Variants in TBC1D9 observed in about 807,000 individuals in gnomAD.
The protein encoded by TBC1D9 is TBC1 domain family member 9A.
In TBC1D9, 63 loss-of-function variants were observed where a neutral mutation model predicts 132.0. The ratio of observed to expected loss-of-function variants is 0.48; its 90% CI spans 0.39 to 0.59. TBC1D9 has a LOEUF of 0.59. TBC1D9 is among the 20% of genes least tolerant of loss of function. The pLI, the probability that TBC1D9 is intolerant of heterozygous loss-of-function variation, is 0.00. For missense variants in TBC1D9, 1,261 were observed against 1,592.7 expected (o/e 0.79, Z 3.54); for synonymous variants, 610 against 609.9 (o/e 1.00, Z 0.00).
At chr4:140,666,682 G>T (rs1737450737) in intron 9 of TBC1D9, among the ~76,000 whole-genome samples, 1 of 151,088 alleles carries the variant, frequency 6.6e-6, no homozygotes, top group Non-Finnish European at 1.5e-5. Flanking sequence ...GTGTTTTGGG[G>T]GGATGAAAAA....
intron 13 of TBC1D9, chr4:140,643,783 G>A: frequency 1.1e-6 from 1 of 894,838 alleles, no homozygotes. Flanking sequence ...CACTCAGAGG[G>A]CTCGGTGCAG....
chr4:140,717,994 T>C (rs1738364776), intron 1 of TBC1D9, among the ~76,000 whole-genome samples: 1 of 152,140 alleles, frequency 6.6e-6, no homozygotes, highest in African/African-American at 2.4e-5. Flanking sequence ...GATATGAAAA[T>C]AGGTAGAAAG....
chr4:140,734,638 T>G (rs546363056), intron 1 of TBC1D9, among the ~76,000 whole-genome samples: 102 of 152,062 alleles, frequency 6.7e-4, no homozygotes, highest in African/African-American at 2.4e-3. Flanking sequence ...ACAAAAAAAT[T>G]TTTTTTAGTT....
intron 1 of TBC1D9, among the ~76,000 whole-genome samples, chr4:140,722,083 G>A (rs1473247683): frequency 6.6e-6 from 1 of 152,076 alleles, no homozygotes; most frequent in Non-Finnish European, 1.5e-5. Context: ...TTTAATCAAT[G>A]GAAGTAGTTA....
At chr4:140,655,804 C>T (rs540288824) in intron 13 of TBC1D9, among the ~76,000 whole-genome samples, 119 of 152,302 alleles carry the variant, frequency 7.8e-4, no homozygotes, top group African/African-American at 2.7e-3. Flanking sequence ...GGACTCTGGT[C>T]TACTCTGGGC....
At chr4:140,752,143 A>G (rs62348502) in intron 1 of TBC1D9, among the ~76,000 whole-genome samples, 1,598 of 152,318 alleles carry the variant, frequency 0.01, 10 homozygotes, top group Admixed American at 0.019. Context: ...ATTATCCATA[A>G]TGCCCCCAAA....
At chr4:140,721,681 A>T (rs1738425118) in intron 1 of TBC1D9, among the ~76,000 whole-genome samples, 1 of 152,218 alleles carries the variant, frequency 6.6e-6, no homozygotes, top group South Asian at 2.1e-4. Flanking sequence ...TTTTTAGCTG[A>T]TAATCTATAA....
At chr4:140,701,910 A>G (rs1738076506) in intron 1 of TBC1D9, among the ~76,000 whole-genome samples, 1 of 152,216 alleles carries the variant, frequency 6.6e-6, no homozygotes, top group African/African-American at 2.4e-5. Flanking sequence ...AATTCAGCTC[A>G]GCAAACACTA....
rs745959619 is a variant in TBC1D9 at position 140,658,808 on chromosome 4, T to TA, written c.1921+779dup. ...CCTGGGCGACAGAGCGAGATGGTCT[T>TA]AAAAAAAAAAAAAAATCACACTTCT... On this transcript the variant is annotated intron_variant, in intron 11 of 20. Coordinates refer to ENST00000442267, the MANE Select transcript of TBC1D9 (RefSeq NM_015130.3). 9.3e-3 allele frequency among the ~76,000 whole-genome samples: 1,312 copies of TA among 140,482 alleles called. 9 individuals carry two copies. Among genetic ancestry groups the TA allele is most frequent in the African/African-American group, 0.018 (697 of 38,374 alleles). 92.2% of individuals were successfully genotyped at this position (140,482 alleles called of 152,430 possible).
At chr4:140,627,569 A>G (rs1214122193) in intron 17 of TBC1D9, 42 bp from the exon 18 acceptor site, 1 of 1,226,422 alleles carries the variant, frequency 8.2e-7, no homozygotes, top group African/African-American at 1.5e-5. Context: ...TGGTAGGGCC[A>G]TGATCCAGTG....
chr4:140,676,898 C>T lies in TBC1D9; in HGVS notation c.1055G>A (p.Arg352His), dbSNP rs752944904. Reference protein sequence around the residue: ...ENLCSLIIPLREVTIVEKADS... With the variant: ...ENLCSLIIPLHEVTIVEKADS... ...CAATTTTTATCAGATACTTACCTCA[C>T]GGAGCGGGATAATGAGGCTACATAA... Residue 352 changes from arginine (R) to histidine (H), a missense_variant, in exon 6 of 21, where the codon CGT (arginine) becomes CAT (histidine). Physicochemically the swap from Arg to His is conservative, Grantham distance 29. This residue lies in a region of TBC1D9 where 550 missense variants were observed against 699.0 expected (regional missense o/e 0.79). Transcript: ENST00000442267. 6.2e-6 allele frequency: 10 copies of T among 1,613,788 alleles called. No individual in the cohort carries two copies. The highest frequency in any genetic ancestry group is 5.9e-6 in the Non-Finnish European group (7 of 1,179,782).
At chr4:140,726,905 T>A (rs1346947355) in intron 1 of TBC1D9, among the ~76,000 whole-genome samples, 4 of 152,214 alleles carry the variant, frequency 2.6e-5, no homozygotes, top group Non-Finnish European at 4.4e-5. Context: ...ATAGTCAAGC[T>A]GCCTCTGTCA....
chr4:140,723,255 C>T (rs914492520), intron 1 of TBC1D9, among the ~76,000 whole-genome samples: 1 of 152,288 alleles, frequency 6.6e-6, no homozygotes, highest in East Asian at 1.9e-4. Context: ...CTTCAACCTG[C>T]GTTACCAAAC....
chr4:140,643,689 AC>A, intron 13 of TBC1D9: 5 of 1,178,030 alleles, frequency 4.2e-6, no homozygotes, highest in Non-Finnish European at 5.8e-6. Flanking sequence ...TGTCAGCTGC[AC>A]CCCCAGGTCC....
In TBC1D9 at chr4:140,622,157, C is replaced by T; in HGVS notation, c.*38G>A. 1.3e-6 allele frequency: 2 copies of T among 1,516,892 alleles called. No homozygotes were observed. Among genetic ancestry groups the T allele is most frequent in the Non-Finnish European group, 1.8e-6 (2 of 1,129,524 alleles). The allele number at this position is 1,516,892 out of a possible 1,614,324, so 94.0% of individuals were successfully genotyped here. A position where few individuals can be genotyped will look rare whatever the true frequency, so the allele number is the denominator to read the frequency against. ...ACAGAAGAACATAAAAAATCCCTCC[C>T]CTCCCTCTCCTCCCACTCCCCCGGG... is the stretch of plus-strand genomic sequence containing the variant. On this transcript the variant is annotated 3_prime_UTR_variant, in exon 21 of 21. Transcript: ENST00000442267.
rs34072180 is a variant in TBC1D9 at position 140,671,674 on chromosome 4, C to CTGTGTGTGTG, written c.1060-758_1060-749dup. 6.1e-3 allele frequency among the ~76,000 whole-genome samples: 858 copies of CTGTGTGTGTG among 141,804 alleles called. 5 individuals are homozygous for CTGTGTGTGTG. Among genetic ancestry groups the CTGTGTGTGTG allele is most frequent in the African/African-American group, 0.02 (729 of 36,370 alleles). 93.0% of individuals were successfully genotyped at this position (141,804 alleles called of 152,430 possible). The stretch of plus-strand genomic sequence containing the variant: ...TTGCAACATTATCTGAACTACCAGA[C>CTGTGTGTGTG]TGTGTGTGTGTGTGTGTGTGTGTGT... On this transcript the variant is annotated intron_variant, in intron 6 of 20. Transcript: ENST00000442267.
chr4:140,665,455 T>C (rs1043573889), intron 9 of TBC1D9, among the ~76,000 whole-genome samples: 2 of 152,142 alleles, frequency 1.3e-5, no homozygotes, highest in African/African-American at 2.4e-5. Context: ...ACAAAGAAGA[T>C]ATAGAAGTGG....
At chr4:140,679,287 C>T in intron 4 of TBC1D9, 84 bp from the exon 5 acceptor site, 1 of 1,421,192 alleles carries the variant, frequency 7.0e-7, no homozygotes, top group Admixed American at 2.0e-5. Context: ...CCCACTCCCC[C>T]ATCCCACTGA....
intron 10 of TBC1D9, 139 bp downstream of exon 10, chr4:140,661,754 A>C: frequency 2.9e-6 from 2 of 685,094 alleles, no homozygotes; most frequent in Non-Finnish European, 5.0e-6. Context: ...AACAGTCCAG[A>C]GTGTCAACAG....
Sources: gnomAD v4.1 joint callset for allele counts (sites outside exome capture counted in the v4.1 genomes callset) on GRCh38, gnomAD v4.1.1 for gene constraint, gnomAD v4.1.1 regional missense constraint, MANE v1.5 for transcripts, NCBI Gene and HGNC (gene_info 2026-07-23, HGNC 2026-07-21) for gene names.